Variants in UBR1 observed in about 807,000 individuals in gnomAD.
The protein encoded by UBR1 is ubiquitin protein ligase E3 component n-recognin 1.
UBR1 carries 102 observed loss-of-function variants against 242.1 expected under a neutral mutation model. The observed-to-expected ratio is 0.42, with a 90% CI of 0.36 to 0.50. The LOEUF (loss-of-function observed/expected upper bound fraction) is 0.50. UBR1 is among the 20% of genes least tolerant of loss of function. The pLI, the probability that UBR1 is intolerant of heterozygous loss-of-function variation, is 0.01. For missense variants in UBR1, 1,772 were observed against 2,101.8 expected (o/e 0.84, Z 3.07); for synonymous variants, 675 against 684.8 (o/e 0.99, Z 0.22).
chr15:42,957,710 A>G (rs541318153), intron 44 of UBR1, among the ~76,000 whole-genome samples: 2 of 152,236 alleles, frequency 1.3e-5, no homozygotes, highest in East Asian at 1.9e-4. Context: ...CCTTGTCTCT[A>G]TGAAAAATTA....
In UBR1 at chr15:42,998,162, GC is replaced by G; in HGVS notation, c.3757+5del. 1 of 1,608,738 alleles carries G rather than the reference GC, an allele frequency of 6.2e-7. No individual in the cohort carries two copies. Among genetic ancestry groups the G allele is most frequent in the East Asian group, 2.2e-5 (1 of 44,820 alleles). ...CATAGCTAATATAAAATAAATTTAA[GC>G]AAACCTTTAGCATGTCTTATATTAT... On this transcript the variant is annotated splice_donor_5th_base_variant and intron_variant, in intron 33 of 46. Coordinates refer to ENST00000290650, the MANE Select transcript of UBR1 (RefSeq NM_174916.3).
At chr15:42,954,926 T>A (rs2031894290) in intron 44 of UBR1, among the ~76,000 whole-genome samples, 1 of 151,920 alleles carries the variant, frequency 6.6e-6, no homozygotes, top group African/African-American at 2.4e-5. Context: ...CCCAGCACTT[T>A]GAGAGGCTGA....
chr15:43,099,380 C>T (rs1051392334), intron 1 of UBR1, among the ~76,000 whole-genome samples: 1 of 151,776 alleles, frequency 6.6e-6, no homozygotes, highest in Non-Finnish European at 1.5e-5. Flanking sequence ...GTACATTTTT[C>T]TTTGATTTCC....
chr15:43,047,032 T>C, intron 14 of UBR1, 129 bp downstream of exon 14: 1 of 1,132,864 alleles, frequency 8.8e-7, no homozygotes, highest in Non-Finnish European at 1.3e-6. Flanking sequence ...AAAAGAGAAA[T>C]TCAAATATGT....
intron 32 of UBR1, among the ~76,000 whole-genome samples, chr15:43,000,944 G>A (rs896680139): frequency 2.6e-4 from 39 of 151,298 alleles, no homozygotes; most frequent in African/African-American, 9.0e-4. Context: ...AGCAATTTTC[G>A]TGCCTCAGCC....
chr15:43,071,690 A>G (rs901637346), intron 4 of UBR1, among the ~76,000 whole-genome samples: 5 of 152,248 alleles, frequency 3.3e-5, no homozygotes, highest in Non-Finnish European at 7.3e-5. Context: ...TAGCAGAAAC[A>G]TGACTAAAAT....
At chr15:43,053,815 G>A (rs2033584039) in intron 12 of UBR1, among the ~76,000 whole-genome samples, 1 of 148,228 alleles carries the variant, frequency 6.7e-6, no homozygotes, top group Non-Finnish European at 1.5e-5. Context: ...AGGCTGGTCT[G>A]ATACAGACGC....
chr15:42,977,563 A>T (rs1350296559), intron 38 of UBR1, among the ~76,000 whole-genome samples: 1 of 152,152 alleles, frequency 6.6e-6, no homozygotes, highest in Non-Finnish European at 1.5e-5. Context: ...ACTGCATATC[A>T]TATATACAAC....
chr15:43,052,611 T>A (rs1162767543), intron 12 of UBR1, among the ~76,000 whole-genome samples: 2 of 152,180 alleles, frequency 1.3e-5, no homozygotes, highest in East Asian at 1.9e-4. Flanking sequence ...AGACTTTATC[T>A]GGGAAAGAAA....
chr15:43,100,182 G>C (rs1246629498), intron 1 of UBR1, among the ~76,000 whole-genome samples: 1 of 152,068 alleles, frequency 6.6e-6, no homozygotes, highest in East Asian at 1.9e-4. Flanking sequence ...GCCAAGAGGT[G>C]CCTTTAACCT....
At chr15:43,076,618 CCT>C (rs1201226482) in intron 3 of UBR1, among the ~76,000 whole-genome samples, 1 of 150,028 alleles carries the variant, frequency 6.7e-6, no homozygotes, top group Admixed American at 6.6e-5. Context: ...AGGTGAGGAG[CCT>C]CTCTGCCCGG....
chr15:42,964,030 T>C lies in UBR1; in HGVS notation c.4605A>G (p.Gly1535=). The C allele has an allele frequency of 6.2e-7, 1 of 1,611,134 alleles. No homozygotes were observed. The highest frequency in any genetic ancestry group is 8.5e-7 in the Non-Finnish European group (1 of 1,177,434). The change falls in exon 42 of 47, where the codon GGA becomes GGG. Residue 1535 remains glycine, a synonymous_variant. Transcript: ENST00000290650. ...PEELHTNSAE[G]EYSALCSYLS... ...GATAGCTACAGAGTGCACTGTACTC[T>C]CCTTCTGCAGAATCTGCAAGAGAAT... is the stretch of plus-strand genomic sequence containing the variant.
At position 43,025,417 on chromosome 15, in the gene UBR1, G is replaced by A; in HGVS notation, c.2548C>T (p.Gln850Ter). ...KTQHSKAEHM[Q>*]KKRRKQENKD... ...TTTTCTTGTTTTCTCCTTTTCTTCT[G>A]CATATGTTCAGCCTATAAAAAAATC... The change falls in exon 24 of 47, where the codon CAG becomes TAG. Residue 850 changes from glutamine (Q) to a stop codon, truncating the protein, a stop_gained. Transcript: ENST00000290650. LOFTEE classifies it high-confidence loss of function. 1.2e-6 allele frequency: 2 copies of A among 1,606,894 alleles called. No individual in the cohort carries two copies. Among genetic ancestry groups the A allele is most frequent in the Non-Finnish European group, 1.7e-6 (2 of 1,176,492 alleles).
At chr15:42,973,932 A>G (rs1160801313) in intron 39 of UBR1, among the ~76,000 whole-genome samples, 1 of 124,676 alleles carries the variant, frequency 8.0e-6, no homozygotes, top group Middle Eastern at 6.7e-3. Flanking sequence ...ACTCTCTCCC[A>G]GTCTGTAGTG....
At position 43,064,577 on chromosome 15, in the gene UBR1, CT is replaced by C. The variant is rs35224418; in HGVS notation, c.798+3320del. ...TTTTTCACTATTTCCTATCTTACAT[CT>C]TTTTTTTTTTTTTTTTGAGATAGAA... On this transcript the variant is annotated intron_variant, in intron 6 of 46. Transcript: ENST00000290650. Among the ~76,000 whole-genome samples, 1,073 of 138,768 alleles carry C rather than the reference CT, an allele frequency of 7.7e-3. 6 individuals are homozygous for C. Among genetic ancestry groups the C allele is most frequent in the African/African-American group, 0.02 (747 of 38,070 alleles). The allele number at this position is 138,768 out of a possible 152,430, so 91.0% of individuals were successfully genotyped here.
intron 39 of UBR1, among the ~76,000 whole-genome samples, chr15:42,972,497 T>C (rs2032223425): frequency 1.3e-5 from 2 of 152,014 alleles, no homozygotes; most frequent in Non-Finnish European, 2.9e-5. Context: ...GCCTCCTGAG[T>C]AGCTGGGATT....
intron 9 of UBR1, among the ~76,000 whole-genome samples, chr15:43,058,712 T>C (rs141836502): frequency 2.6e-5 from 4 of 152,302 alleles, no homozygotes; most frequent in African/African-American, 7.2e-5. Flanking sequence ...TACTTTTCCT[T>C]CTCCATGCTT....
chr15:42,998,037 CA>C, intron 33 of UBR1, 130 bp downstream of exon 33: 2 of 837,704 alleles, frequency 2.4e-6, no homozygotes, highest in Non-Finnish European at 3.7e-6. Context: ...TTTTTAGCTT[CA>C]AAAACTTCTA....
Position 42,976,799 on chromosome 15 carries a change from A to G in UBR1, c.4287T>C (p.Val1429=). Residue 1429 remains valine (V), a synonymous_variant, in exon 39 of 47, where the codon GTT becomes GTC. Coordinates refer to ENST00000290650, the MANE Select transcript of UBR1 (RefSeq NM_174916.3). ...DDPVDLQPSS[V]SSSYNHLYLF... Reference sequence around the variant, plus strand: ...GATAAAGGTGGTTATAGGAAGAACTAACTGAAGAAGGCTGCAGATCAACAG... The same window carrying G: ...GATAAAGGTGGTTATAGGAAGAACTGACTGAAGAAGGCTGCAGATCAACAG... 1 of 1,614,172 alleles carries G rather than the reference A, an allele frequency of 6.2e-7. No homozygotes were observed.
Sources: gnomAD v4.1 joint callset for allele counts (sites outside exome capture counted in the v4.1 genomes callset) on GRCh38, gnomAD v4.1.1 for gene constraint, MANE v1.5 for transcripts, NCBI Gene and HGNC (gene_info 2026-07-23, HGNC 2026-07-21) for gene names.